The following DACH2 variants were observed in gnomAD, a reference collection of about 807,000 sequenced individuals.
The protein encoded by DACH2 is dachshund homolog 2.
A neutral mutation model predicts 35.8 loss-of-function variants in DACH2; 17 were observed. The ratio of observed to expected loss-of-function variants is 0.48; its 90% CI spans 0.33 to 0.71. The LOEUF is 0.71. DACH2 is among the 30% of genes least tolerant of loss of function. DACH2 has a pLI of 0.02. For missense variants in DACH2, 469 were observed against 472.7 expected, an observed-to-expected ratio of 0.99 and a Z score of 0.07; for synonymous variants, 195 against 177.3, an observed-to-expected ratio of 1.10 and a Z score of -0.79.
At chrX:86,631,943 T>C (rs936016673) in intron 3 of DACH2, among the ~76,000 whole-genome samples, 2 of 111,177 alleles carry the variant, frequency 1.8e-5, no homozygotes, top group African/African-American at 3.3e-5. Context: ...TTTTAGAGCA[T>C]GCATGAATGA....
intron 7 of DACH2, among the ~76,000 whole-genome samples, chrX:86,792,106 G>A (rs944223847): frequency 1.8e-5 from 2 of 111,339 alleles, no homozygotes; most frequent in South Asian, 7.4e-4. Context: ...AATGATTCTT[G>A]TTTAGGCTTC....
rs774521359 is a variant in DACH2 at position 86,278,621 on chromosome X, C to A, written c.489-98203C>A. Reference sequence around the variant, plus strand: ...AAACCACAATTACTTTCATACCAATCTAATAGAAATGCTACTGACTTTTGG... The same window carrying A: ...AAACCACAATTACTTTCATACCAATATAATAGAAATGCTACTGACTTTTGG... On this transcript the variant is annotated intron_variant, in intron 1 of 11. Coordinates refer to ENST00000373125, the MANE Select transcript of DACH2 (RefSeq NM_053281.3). Among the ~76,000 whole-genome samples, 3 of 112,355 alleles carry A rather than the reference C, an allele frequency of 2.7e-5. No homozygotes were observed. The South Asian group carries it at 1.1e-3, about 41-fold the overall frequency.
intron 9 of DACH2, among the ~76,000 whole-genome samples, chrX:86,814,382 A>G (rs1046641829): frequency 8.9e-6 from 1 of 112,054 alleles, no homozygotes; most frequent in Non-Finnish European, 1.9e-5. Flanking sequence ...GCATATAGAG[A>G]GTCAAAGTAG....
chrX:86,302,551 G>A (rs2034594296), intron 1 of DACH2, among the ~76,000 whole-genome samples: 1 of 110,948 alleles, frequency 9.0e-6, no homozygotes, highest in Non-Finnish European at 1.9e-5. Flanking sequence ...GGTGTGCTGG[G>A]AAGAAAAGGT....
chrX:86,366,411 T>C (rs2035807409), intron 1 of DACH2, among the ~76,000 whole-genome samples: 1 of 110,685 alleles, frequency 9.0e-6, no homozygotes, highest in Admixed American at 9.7e-5. Context: ...AATTATCCAA[T>C]CAGAAAGTTC....
intron 1 of DACH2, among the ~76,000 whole-genome samples, chrX:86,330,676 T>C (rs2035196884): frequency 8.9e-6 from 1 of 112,147 alleles, no homozygotes; most frequent in African/African-American, 3.2e-5. Flanking sequence ...ATTGACTGCA[T>C]TATATAATTA....
At chrX:86,795,719 A>C (rs1390972624) in intron 7 of DACH2, among the ~76,000 whole-genome samples, 1 of 111,672 alleles carries the variant, frequency 9.0e-6, no homozygotes, top group African/African-American at 3.3e-5. Context: ...GTGTGTCCAG[A>C]GTTTGTTCCT....
intron 3 of DACH2, among the ~76,000 whole-genome samples, chrX:86,610,376 T>TCTTTCTTC (rs2039919654): frequency 3.7e-5 from 2 of 53,637 alleles, no homozygotes; most frequent in Non-Finnish European, 6.7e-5. Context: ...TTTCTTTCTT[T>TCTTTCTTC]CTTTCTTTCT....
At chrX:86,511,126 A>G (rs937677087) in intron 2 of DACH2, among the ~76,000 whole-genome samples, 4 of 111,655 alleles carry the variant, frequency 3.6e-5, no homozygotes, top group Non-Finnish European at 7.5e-5. Context: ...CAGCTCTTAA[A>G]GATAAGAAGT....
At chrX:86,425,530 C>T (rs1458568149) in intron 2 of DACH2, among the ~76,000 whole-genome samples, 1 of 110,906 alleles carries the variant, frequency 9.0e-6, no homozygotes, top group African/African-American at 3.3e-5. Context: ...GTTATGTCTC[C>T]TTTTTGATTT....
At chrX:86,464,462 T>G (rs932204111) in intron 2 of DACH2, among the ~76,000 whole-genome samples, 1 of 110,885 alleles carries the variant, frequency 9.0e-6, no homozygotes, top group Non-Finnish European at 1.9e-5. Flanking sequence ...AAGTGGGAGT[T>G]GAACCATGAA....
At chrX:86,675,019 G>A (rs2040810537) in intron 4 of DACH2, among the ~76,000 whole-genome samples, 1 of 111,039 alleles carries the variant, frequency 9.0e-6, no homozygotes, top group South Asian at 3.7e-4. Flanking sequence ...GACAACTCAA[G>A]AACTAAAAGA....
intron 1 of DACH2, among the ~76,000 whole-genome samples, chrX:86,344,181 A>T (rs2035459598): frequency 9.1e-6 from 1 of 110,275 alleles, no homozygotes; most frequent in Non-Finnish European, 1.9e-5. Flanking sequence ...TACCATAAAT[A>T]TATACCATTA....
chrX:86,234,425 C>T (rs966358372), intron 1 of DACH2, among the ~76,000 whole-genome samples: 29 of 111,088 alleles, frequency 2.6e-4, no homozygotes, highest in African/African-American at 9.5e-4. Context: ...CAAAATATTA[C>T]ACTGGTCACC....
chrX:86,827,709 T>C, intron 11 of DACH2: 1 of 1,073,057 alleles, frequency 9.3e-7, no homozygotes. Context: ...GAGTAGATTT[T>C]GAATTTTCTT....
Position 86,195,057 on chromosome X carries a change from C to T in DACH2, c.488+45949C>T, listed in dbSNP as rs905386875. ...CCTCCATGGCCATGCACCAGTCCTC[C>T]TGCTCCTTCCCCACACTGCAGCTTC... On this transcript the variant is annotated intron_variant, in intron 1 of 11. Coordinates refer to ENST00000373125, the MANE Select transcript of DACH2 (RefSeq NM_053281.3). 4.4e-5 allele frequency among the ~76,000 whole-genome samples: 5 copies of T among 113,005 alleles called. No individual in the cohort carries two copies. The East Asian group carries it at 1.4e-3, about 32-fold the overall frequency.
chrX:86,742,856 A>T lies in DACH2; in HGVS notation c.1240+2974A>T, dbSNP rs1302245804. 6 of 118,735 alleles carry T rather than the reference A, an allele frequency of 5.1e-5. 1 individual carries two copies. The Admixed American group carries it at 5.7e-4, about 11-fold the overall frequency. 9.8% of individuals were successfully genotyped at this position (118,735 alleles called of 1,213,427 possible). A position where few individuals can be genotyped will look rare whatever the true frequency, so the allele number is the denominator to read the frequency against. ...GATTCATACCAGATTTGGATAAATT[A>T]TTTTAATAGTAGAAAACATGATGTT... On this transcript the variant is annotated intron_variant, in intron 7 of 11. Transcript: ENST00000373125.
At chrX:86,518,667 G>A (rs2038508404) in intron 3 of DACH2, among the ~76,000 whole-genome samples, 1 of 111,616 alleles carries the variant, frequency 9.0e-6, no homozygotes, top group Non-Finnish European at 1.9e-5. Flanking sequence ...ATTGTGAATG[G>A]GATTGCCTTT....
chrX:86,659,642 C>G (rs1226243579), intron 4 of DACH2, among the ~76,000 whole-genome samples: 1 of 111,279 alleles, frequency 9.0e-6, no homozygotes, highest in African/African-American at 3.3e-5. Context: ...GTCTTGGTTC[C>G]TACATGTTAT....
Sources: gnomAD v4.1 joint callset for allele counts (sites outside exome capture counted in the v4.1 genomes callset) on GRCh38, gnomAD v4.1.1 for gene constraint, MANE v1.5 for transcripts, NCBI Gene and HGNC (gene_info 2026-07-23, HGNC 2026-07-21) for gene names.